GALK2: variants seen among roughly 807,000 people sequenced by gnomAD.
The protein encoded by GALK2 is galactokinase 2.
GALK2 carries 36 observed loss-of-function variants against 52.4 expected under a neutral mutation model. The observed-to-expected ratio is 0.69, with a 90% CI of 0.53 to 0.91. GALK2 has a LOEUF of 0.91. Ranked by LOEUF, GALK2 falls within the 40% of genes least tolerant of loss-of-function variation. GALK2 has a pLI of 0.00. For synonymous variants in GALK2, 176 were observed against 199.1 expected (o/e 0.88, Z 0.98); for missense variants, 579 against 559.1 (o/e 1.04, Z -0.36).
chr15:49,299,858 T>C lies in GALK2; in HGVS notation c.967+7321T>C, dbSNP rs76913594. On this transcript the variant is annotated intron_variant, in intron 8 of 9. Transcript: ENST00000560031. ...TTTTAATTTGTTGAGAATTACTTTA[T>C]GGCTGGGCATGTGGTCAGTCTTATA... Among the ~76,000 whole-genome samples, 273 of 151,616 alleles carry C rather than the reference T, an allele frequency of 1.8e-3. 3 individuals carry two copies. Among genetic ancestry groups the C allele is most frequent in the Admixed American group, 4.2e-3 (64 of 15,170 alleles).
At chr15:49,171,015 ACT>A (rs144368763) in intron 1 of GALK2, among the ~76,000 whole-genome samples, 10,292 of 148,872 alleles carry the variant, frequency 0.069, 733 homozygotes, top group African/African-American at 0.18. Context: ...GGCTTTCCTG[ACT>A]CTCTGCTTTT....
intron 8 of GALK2, among the ~76,000 whole-genome samples, chr15:49,301,700 G>A (rs1414030734): frequency 1.3e-5 from 2 of 152,100 alleles, no homozygotes; most frequent in Non-Finnish European, 2.9e-5. Flanking sequence ...CTGGGTTGGG[G>A]TGGCCCAGCT....
intron 5 of GALK2, among the ~76,000 whole-genome samples, chr15:49,276,130 A>C (rs2031615715): frequency 6.6e-6 from 1 of 152,216 alleles, no homozygotes; most frequent in African/African-American, 2.4e-5. Context: ...AATGATTCTC[A>C]GTCATTAGGG....
intron 8 of GALK2, among the ~76,000 whole-genome samples, chr15:49,308,227 TCATC>T: frequency 6.6e-6 from 1 of 152,344 alleles, no homozygotes; most frequent in East Asian, 1.9e-4. Flanking sequence ...GTGGTTTTCC[TCATC>T]CATCTCTGGA....
At chr15:49,188,548 G>A (rs867140843) in intron 1 of GALK2, among the ~76,000 whole-genome samples, 1 of 152,174 alleles carries the variant, frequency 6.6e-6, no homozygotes, top group Admixed American at 6.5e-5. Context: ...CTTTCCAACC[G>A]TCTTCAGTAT....
chr15:49,231,921 G>A (rs959069117), intron 3 of GALK2, among the ~76,000 whole-genome samples: 10 of 152,158 alleles, frequency 6.6e-5, no homozygotes, highest in Admixed American at 1.3e-4. Context: ...ATGCACCTGC[G>A]GCTTTTACAT....
chr15:49,170,700 C>G, intron 1 of GALK2: 1 of 273,954 alleles, frequency 3.7e-6, no homozygotes, highest in Non-Finnish European at 6.9e-6. Flanking sequence ...CTCTCTTTGT[C>G]TCGCATGCCA....
intron 5 of GALK2, among the ~76,000 whole-genome samples, chr15:49,241,393 C>CT (rs1263476293): frequency 1.3e-5 from 2 of 152,050 alleles, no homozygotes; most frequent in Admixed American, 1.3e-4. Flanking sequence ...GGGATGTCCA[C>CT]TGAAGGGATT....
At chr15:49,170,648 C>T (rs2085011303) in intron 1 of GALK2, 4 of 424,180 alleles carry the variant, frequency 9.4e-6, no homozygotes, top group Middle Eastern at 6.5e-4. Flanking sequence ...TGTACTCTTT[C>T]TACTGGGCTT....
intron 5 of GALK2, among the ~76,000 whole-genome samples, chr15:49,240,769 A>G (rs189671931): frequency 6.6e-6 from 1 of 152,314 alleles, no homozygotes; most frequent in Non-Finnish European, 1.5e-5. Flanking sequence ...AGAGCAGGAG[A>G]TCAGTTGCTG....
Position 49,328,070 on chromosome 15 carries a change from C to T in GALK2, c.1288C>T (p.Gln430Ter), listed in dbSNP as rs1408874087. 1 of 1,613,998 alleles carries T rather than the reference C, an allele frequency of 6.2e-7. No homozygotes were observed. The highest frequency in any genetic ancestry group is 1.7e-5 in the Admixed American group (1 of 59,994). The part of the protein sequence containing the change: ...FLANVHKAYY[Q>*]RSDGSLAPEK... Reference sequence around the variant, plus strand: ...AGCAAATGTGCACAAAGCTTATTACCAGAGGAGTGATGGAAGCTTAGCACC... The same window carrying T: ...AGCAAATGTGCACAAAGCTTATTACTAGAGGAGTGATGGAAGCTTAGCACC... The change falls in exon 10 of 10, where the codon CAG (glutamine) becomes TAG (stop). Residue 430 changes from glutamine (Q) to a stop codon, truncating the protein, a stop_gained. Transcript: ENST00000560031. LOFTEE classifies it high-confidence loss of function.
At chr15:49,210,503 G>T (rs1000190135) in intron 2 of GALK2, among the ~76,000 whole-genome samples, 1 of 151,632 alleles carries the variant, frequency 6.6e-6, no homozygotes, top group African/African-American at 2.4e-5. Context: ...GCAATGGTGC[G>T]ATCTCAGCTC....
chr15:49,227,970 A>C (rs765760079), intron 3 of GALK2, among the ~76,000 whole-genome samples: 15 of 152,100 alleles, frequency 9.9e-5, no homozygotes, highest in Non-Finnish European at 1.8e-4. Context: ...TCCTTCATTT[A>C]TGAAGGATGA....
intron 7 of GALK2, among the ~76,000 whole-genome samples, chr15:49,284,895 C>T (rs1394803940): frequency 2.6e-5 from 4 of 152,080 alleles, no homozygotes; most frequent in Non-Finnish European, 5.9e-5. Context: ...TGTTCCTCGC[C>T]TCTATTTCTC....
chr15:49,261,453 T>G (rs2092105904), intron 5 of GALK2, among the ~76,000 whole-genome samples: 1 of 151,846 alleles, frequency 6.6e-6, no homozygotes, highest in South Asian at 2.1e-4. Flanking sequence ...CTTATCAGCT[T>G]AAGGAGATTT....
chr15:49,359,376 TCAAA>T (rs1213398730), intron 3 of GALK2, among the ~76,000 whole-genome samples: 3 of 117,726 alleles, frequency 2.5e-5, no homozygotes, highest in African/African-American at 9.9e-5. Flanking sequence ...TACAATAAAC[TCAAA>T]CAAATTTACA....
At chr15:49,171,864 C>T (rs1484742839) in intron 1 of GALK2, among the ~76,000 whole-genome samples, 1 of 151,934 alleles carries the variant, frequency 6.6e-6, no homozygotes, top group African/African-American at 2.4e-5. Flanking sequence ...CTCCACCTCC[C>T]AGGTTCAATC....
intron 5 of GALK2, among the ~76,000 whole-genome samples, chr15:49,276,997 T>C (rs1488996543): frequency 1.4e-5 from 2 of 139,596 alleles, no homozygotes; most frequent in Non-Finnish European, 3.1e-5. Flanking sequence ...TGAGACAGAG[T>C]CTCGCTCTGT....
chr15:49,272,554 A>G (rs2030860588), intron 5 of GALK2, among the ~76,000 whole-genome samples: 1 of 152,172 alleles, frequency 6.6e-6, no homozygotes, highest in Non-Finnish European at 1.5e-5. Flanking sequence ...TGAAGACTGC[A>G]CTTGGAGTAG....
Sources: gnomAD v4.1 joint callset for allele counts (sites outside exome capture counted in the v4.1 genomes callset) on GRCh38, gnomAD v4.1.1 for gene constraint, MANE v1.5 for transcripts, NCBI Gene and HGNC (gene_info 2026-07-23, HGNC 2026-07-21) for gene names.